Variants in LMO7 observed in about 807,000 individuals in gnomAD.
LMO7 encodes LIM domain only protein 7.
A neutral mutation model predicts 206.5 loss-of-function variants in LMO7; 120 were observed. The ratio of observed to expected loss-of-function variants is 0.58; its 90% CI spans 0.50 to 0.68. The LOEUF (loss-of-function observed/expected upper bound fraction) is 0.68, where lower values mean the gene tolerates loss of function less well. Ranked by LOEUF, LMO7 falls within the 30% of genes least tolerant of loss-of-function variation. The probability of loss-of-function intolerance (pLI) is 0.00; values close to 1 mark genes in which losing one functional copy is unlikely to be tolerated. For missense variants in LMO7, 1,959 were observed against 1,957.9 expected (o/e 1.00, Z -0.01); for synonymous variants, 706 against 681.5 (o/e 1.04, Z -0.56).
At chr13:75,795,080 A>C (rs1789780351) in intron 4 of LMO7, among the ~76,000 whole-genome samples, 1 of 152,160 alleles carries the variant, frequency 6.6e-6, no homozygotes, top group African/African-American at 2.4e-5. Flanking sequence ...TTTAAGAAGG[A>C]AATACAAAAA....
intron 4 of LMO7, among the ~76,000 whole-genome samples, chr13:75,791,546 T>C (rs1045862077): frequency 1.3e-5 from 2 of 152,192 alleles, no homozygotes; most frequent in Non-Finnish European, 2.9e-5. Context: ...TTTAATCAAA[T>C]ATTTTTATGT....
chr13:75,798,734 C>A (rs572370272), intron 6 of LMO7, among the ~76,000 whole-genome samples: 109 of 152,300 alleles, frequency 7.2e-4, no homozygotes, highest in African/African-American at 2.5e-3. Flanking sequence ...ATTAAACAAT[C>A]GTTGGTGGAA....
At chr13:75,655,664 TATATATATATATATATATATATA>T (rs2038000715) in intron 1 of LMO7, among the ~76,000 whole-genome samples, 1 of 35,724 alleles carries the variant, frequency 2.8e-5, no homozygotes, top group African/African-American at 7.5e-5. Flanking sequence ...TATATATATA[TATATATATATATATATATATATA>T]TATTTGTTTT....
At chr13:75,776,110 T>TATAC (rs1265257094) in intron 4 of LMO7, among the ~76,000 whole-genome samples, 154 of 99,234 alleles carry the variant, frequency 1.6e-3, no homozygotes, top group African/African-American at 3.7e-3. Context: ...TATATATATA[T>TATAC]ATACATACAT....
intron 20 of LMO7, chr13:75,838,453 TAAAAA>T (rs35202291): frequency 2.1e-3 from 437 of 205,830 alleles, no homozygotes; most frequent in South Asian, 3.6e-3. Context: ...TTTAACTTTG[TAAAAA>T]AAAAAAAAAA....
intron 9 of LMO7, 110 bp from the exon 10 acceptor site, chr13:75,807,370 A>C: frequency 9.1e-7 from 1 of 1,098,850 alleles, no homozygotes; most frequent in South Asian, 1.6e-5. Flanking sequence ...ATTTACCCTC[A>C]GTAACTGGCT....
chr13:75,823,539 G>A (rs897051785), intron 14 of LMO7, 26 bp from the exon 15 acceptor site: 8 of 1,538,210 alleles, frequency 5.2e-6, no homozygotes, highest in Non-Finnish European at 7.1e-6. Context: ...AGAATATCAA[G>A]TTTAAAATGA....
At chr13:75,786,084 A>G (rs2052374440) in intron 4 of LMO7, among the ~76,000 whole-genome samples, 1 of 152,150 alleles carries the variant, frequency 6.6e-6, no homozygotes, top group Admixed American at 6.5e-5. Flanking sequence ...AAGATGACCC[A>G]CTAGTTCATC....
chr13:75,733,707 C>T (rs935642378), intron 3 of LMO7, among the ~76,000 whole-genome samples: 22 of 152,330 alleles, frequency 1.4e-4, no homozygotes, highest in East Asian at 1.4e-3. Context: ...AGACATCACC[C>T]GTCTTCTGCG....
intron 1 of LMO7, among the ~76,000 whole-genome samples, chr13:75,687,687 C>T (rs766808225): frequency 6.6e-6 from 1 of 151,982 alleles, no homozygotes; most frequent in African/African-American, 2.4e-5. Context: ...AATATTAATT[C>T]TACTGTCTCC....
At chr13:75,669,019 G>C (rs938720133) in intron 1 of LMO7, among the ~76,000 whole-genome samples, 1 of 152,170 alleles carries the variant, frequency 6.6e-6, no homozygotes, top group Admixed American at 6.5e-5. Flanking sequence ...GGAATATTTT[G>C]ACTGAGAGGA....
chr13:75,824,774 G>A (rs929414835), intron 15 of LMO7, among the ~76,000 whole-genome samples: 12 of 151,958 alleles, frequency 7.9e-5, no homozygotes, highest in African/African-American at 2.9e-4. Context: ...TATACATTAA[G>A]TATGTGTATA....
At chr13:75,853,998 C>G (rs979903434) in intron 28 of LMO7, among the ~76,000 whole-genome samples, 2 of 152,184 alleles carry the variant, frequency 1.3e-5, no homozygotes, top group South Asian at 4.2e-4. Context: ...CAGCTGGATT[C>G]GGTGGGGAAT....
At chr13:75,767,593 A>G (rs145075974) in intron 4 of LMO7, among the ~76,000 whole-genome samples, 132 of 152,190 alleles carry the variant, frequency 8.7e-4, no homozygotes, top group African/African-American at 3.0e-3. Flanking sequence ...AGTCACATTA[A>G]CTTTGACTTT....
intron 3 of LMO7, among the ~76,000 whole-genome samples, chr13:75,741,630 C>T (rs887579862): frequency 1.3e-5 from 2 of 152,150 alleles, no homozygotes; most frequent in African/African-American, 4.8e-5. Flanking sequence ...AAGGCAGAAA[C>T]CACATGATTA....
chr13:75,694,829 G>A (rs2041783298), intron 1 of LMO7, among the ~76,000 whole-genome samples: 1 of 152,152 alleles, frequency 6.6e-6, no homozygotes, highest in African/African-American at 2.4e-5. Flanking sequence ...CTAACTTGAG[G>A]ACTAGGGCTT....
intron 1 of LMO7, among the ~76,000 whole-genome samples, chr13:75,641,061 C>T (rs2036484651): frequency 1.3e-5 from 2 of 152,140 alleles, no homozygotes; most frequent in South Asian, 2.1e-4. Flanking sequence ...AATTCTTAGC[C>T]CTTACCTGGA....
chr13:75,739,411 A>G (rs1343150084), intron 3 of LMO7, among the ~76,000 whole-genome samples: 1 of 152,176 alleles, frequency 6.6e-6, no homozygotes. Context: ...GGCTGGGAAG[A>G]TTGTCTCCTC....
In LMO7 at chr13:75,798,631, T is replaced by A. The variant is rs551994601; in HGVS notation, c.462+1882T>A. ...TAGAGGTATGTGACTATATCACATG[T>A]TTTGTATCAGTTCTATTAAAATCAA... is the stretch of plus-strand genomic sequence containing the variant. On this transcript the variant is annotated intron_variant, in intron 6 of 30. Transcript: ENST00000377534. Among the ~76,000 whole-genome samples, 4 of 152,330 alleles carry A rather than the reference T, an allele frequency of 2.6e-5. No homozygotes were observed. In the South Asian group the frequency reaches 8.3e-4, roughly 32 times the overall value.
Sources: gnomAD v4.1 joint callset for allele counts (sites outside exome capture counted in the v4.1 genomes callset) on GRCh38, gnomAD v4.1.1 for gene constraint, MANE v1.5 for transcripts, NCBI Gene and HGNC (gene_info 2026-07-23, HGNC 2026-07-21) for gene names.